The following PTPRD variants were observed in gnomAD, a reference collection of about 807,000 sequenced individuals.
The protein encoded by PTPRD is receptor-type tyrosine-protein phosphatase delta.
In PTPRD, 34 loss-of-function variants were observed where a neutral mutation model predicts 214.5. The observed-to-expected ratio is 0.16, with a 90% CI of 0.12 to 0.21. PTPRD has a LOEUF of 0.21. Ranked by LOEUF, PTPRD falls within the 10% of genes least tolerant of loss-of-function variation. The pLI, the probability that PTPRD is intolerant of heterozygous loss-of-function variation, is 1.00. For missense variants in PTPRD, 2,545 were observed against 2,398.7 expected, an observed-to-expected ratio of 1.06 and a Z score of -1.27; for synonymous variants, 1,128 against 845.7, an observed-to-expected ratio of 1.33 and a Z score of -5.79.
In PTPRD at chr9:9,412,498, T is replaced by G. The variant is rs78438995; in HGVS notation, c.-236-15016A>C. 7.0e-3 allele frequency among the ~76,000 whole-genome samples: 1,061 copies of G among 152,160 alleles called. 14 individuals carry two copies. The highest frequency in any genetic ancestry group is 0.024 in the African/African-American group (996 of 41,510). ...CCAAGGCCATTATAATCTCAGTCTG[T>G]TCTCTTCTTTAGTAATCTCCCTTTC... On this transcript the variant is annotated intron_variant, in intron 8 of 45. Coordinates refer to ENST00000381196, the MANE Select transcript of PTPRD (RefSeq NM_002839.4).
intron 5 of PTPRD, among the ~76,000 whole-genome samples, chr9:9,772,523 T>C (rs184851479): frequency 3.3e-5 from 5 of 152,264 alleles, no homozygotes; most frequent in Middle Eastern, 3.4e-3. Flanking sequence ...TTGATATTCC[T>C]AGGTTTCAAA....
intron 2 of PTPRD, among the ~76,000 whole-genome samples, chr9:10,538,239 A>AAAATAAATAAATAAATAAAT (rs139133858): frequency 7.7e-6 from 1 of 130,334 alleles, no homozygotes; most frequent in African/African-American, 2.9e-5. Context: ...GCCTCATCAT[A>AAAATAAATAAATAAATAAAT]AAATAAATAA....
intron 12 of PTPRD, among the ~76,000 whole-genome samples, chr9:8,656,382 T>A (rs925829615): frequency 6.6e-6 from 1 of 152,222 alleles, no homozygotes; most frequent in Admixed American, 6.5e-5. Context: ...TGCCTTCTCC[T>A]GGGTGAAATC....
At position 8,661,645 on chromosome 9, in the gene PTPRD, A is replaced by G. The variant is rs1344736311; in HGVS notation, c.65-24801T>C. Among the ~76,000 whole-genome samples, 4 of 152,144 alleles carry G rather than the reference A, an allele frequency of 2.6e-5. No individual in the cohort carries two copies. In the East Asian group the frequency reaches 7.7e-4, roughly 29 times the overall value. ...AAAGCAGAAAACAAAAAATTGCAAT[A>G]CCATCAGCAATTATATTCTACTATT... On this transcript the variant is annotated intron_variant, in intron 12 of 45. Transcript: ENST00000381196.
At chr9:10,148,405 G>A (rs1402510968) in intron 3 of PTPRD, among the ~76,000 whole-genome samples, 5 of 152,074 alleles carry the variant, frequency 3.3e-5, no homozygotes, top group African/African-American at 1.2e-4. Flanking sequence ...TCTTCAAAAA[G>A]ATTACAGTCT....
intron 7 of PTPRD, among the ~76,000 whole-genome samples, chr9:9,641,560 T>C (rs1262187088): frequency 6.6e-6 from 1 of 152,228 alleles, no homozygotes; most frequent in African/African-American, 2.4e-5. Flanking sequence ...CAACTGTTTC[T>C]GTACTGACTG....
intron 3 of PTPRD, among the ~76,000 whole-genome samples, chr9:10,064,108 G>A (rs116246959): frequency 2.0e-5 from 3 of 151,426 alleles, no homozygotes; most frequent in African/African-American, 7.3e-5. Flanking sequence ...TCTTCAATGT[G>A]TAACTTAAAA....
At chr9:10,403,227 A>AATATATATATATATAT (rs58712564) in intron 2 of PTPRD, among the ~76,000 whole-genome samples, 3,720 of 59,566 alleles carry the variant, frequency 0.062, 586 homozygotes, top group Non-Finnish European at 0.087. Context: ...TGTGTGTGTA[A>AATATATATATATATAT]ATATATATAT....
intron 11 of PTPRD, among the ~76,000 whole-genome samples, chr9:8,759,196 A>G (rs1488927928): frequency 1.3e-5 from 2 of 151,648 alleles, no homozygotes; most frequent in Admixed American, 1.3e-4. Flanking sequence ...TTACTTTTTT[A>G]TTTTTTGTAG....
chr9:9,619,198 G>T (rs957859189), intron 7 of PTPRD, among the ~76,000 whole-genome samples: 1 of 152,060 alleles, frequency 6.6e-6, no homozygotes, highest in South Asian at 2.1e-4. Context: ...ACTATGAAAA[G>T]AAAGGTGACA....
intron 44 of PTPRD, among the ~76,000 whole-genome samples, chr9:8,326,312 C>T (rs1833697999): frequency 6.6e-6 from 1 of 152,196 alleles, no homozygotes; most frequent in Non-Finnish European, 1.5e-5. Context: ...GCCTTTTCTG[C>T]ATCTATTGAG....
intron 37 of PTPRD, among the ~76,000 whole-genome samples, chr9:8,380,697 T>C (rs2084774374): frequency 6.6e-6 from 1 of 152,192 alleles, no homozygotes; most frequent in South Asian, 2.1e-4. Context: ...TTTAAAACTC[T>C]TGTCATTGCA....
intron 9 of PTPRD, among the ~76,000 whole-genome samples, chr9:9,247,558 C>G (rs558915657): frequency 2.0e-5 from 3 of 151,982 alleles, no homozygotes; most frequent in Non-Finnish European, 4.4e-5. Context: ...CAAATCAAAA[C>G]GAATTTAAAA....
At chr9:8,990,981 A>G (rs377318193) in intron 11 of PTPRD, among the ~76,000 whole-genome samples, 1 of 151,986 alleles carries the variant, frequency 6.6e-6, no homozygotes, top group African/African-American at 2.4e-5. Flanking sequence ...TTGGGAGGTC[A>G]AGGCGGGAGG....
chr9:10,348,316 G>A (rs947221402), intron 2 of PTPRD, among the ~76,000 whole-genome samples: 6 of 152,098 alleles, frequency 3.9e-5, no homozygotes, highest in African/African-American at 1.2e-4. Flanking sequence ...AATATGAAAT[G>A]TTGTTATCTA....
chr9:9,639,060 A>G (rs183199786), intron 7 of PTPRD, among the ~76,000 whole-genome samples: 237 of 152,284 alleles, frequency 1.6e-3, no homozygotes, highest in Middle Eastern at 6.8e-3. Context: ...TCCAACACAT[A>G]CATTTTGGAG....
intron 3 of PTPRD, among the ~76,000 whole-genome samples, chr9:10,305,489 C>T (rs2096030758): frequency 6.6e-6 from 1 of 151,186 alleles, no homozygotes; most frequent in African/African-American, 2.4e-5. Context: ...AGGCAACCTA[C>T]AGAATGGGAG....
intron 11 of PTPRD, among the ~76,000 whole-genome samples, chr9:8,886,984 A>T (rs1337630722): frequency 6.6e-6 from 1 of 152,212 alleles, no homozygotes; most frequent in Non-Finnish European, 1.5e-5. Context: ...CTTCCTAGGC[A>T]CTGGACATTG....
intron 3 of PTPRD, among the ~76,000 whole-genome samples, chr9:10,207,630 T>C (rs910641736): frequency 2.6e-5 from 4 of 151,960 alleles, no homozygotes; most frequent in Non-Finnish European, 5.9e-5. Context: ...TGTATGTTTG[T>C]AGTTTTTTAA....
Sources: gnomAD v4.1 joint callset for allele counts (sites outside exome capture counted in the v4.1 genomes callset) on GRCh38, gnomAD v4.1.1 for gene constraint, MANE v1.5 for transcripts, NCBI Gene and HGNC (gene_info 2026-07-23, HGNC 2026-07-21) for gene names.